The following IPCEF1 variants were observed in gnomAD, a reference collection of about 807,000 sequenced individuals.
The protein encoded by IPCEF1 is interaction protein for cytohesin exchange factors 1, also known as interactor protein for cytohesin exchange factors 1.
Under a neutral mutation model 50.9 loss-of-function variants are expected in IPCEF1, and 31 were observed. The observed-to-expected ratio is 0.61, with a 90% CI of 0.46 to 0.82. IPCEF1 has a LOEUF of 0.82. Ranked by LOEUF, IPCEF1 falls within the 40% of genes least tolerant of loss-of-function variation. The probability of loss-of-function intolerance (pLI) is 0.00; values close to 1 mark genes in which losing one functional copy is unlikely to be tolerated. For missense variants in IPCEF1, 458 were observed against 514.0 expected (o/e 0.89, Z 1.05); for synonymous variants, 181 against 192.0 (o/e 0.94, Z 0.47).
rs1782444980 is a variant in IPCEF1 at position 154,288,974 on chromosome 6, G to C, written c.-18+739C>G. 2.0e-5 allele frequency among the ~76,000 whole-genome samples: 3 copies of C among 152,074 alleles called. No individual in the cohort carries two copies. In the South Asian group the frequency reaches 6.2e-4, roughly 31 times the overall value. ...AGGTGAGAGAATCACCTGAGCCTGGGAGGTCAAGGCTGCAGTGAGCCACGA... is the reference window on the plus strand; with the variant it reads ...AGGTGAGAGAATCACCTGAGCCTGGCAGGTCAAGGCTGCAGTGAGCCACGA... On this transcript the variant is annotated intron_variant, in intron 2 of 11. Transcript: ENST00000367220.
chr6:154,258,514 G>A (rs1781515873), intron 3 of IPCEF1, among the ~76,000 whole-genome samples: 1 of 152,156 alleles, frequency 6.6e-6, no homozygotes, highest in Admixed American at 6.5e-5. Context: ...CACACACTGT[G>A]GTAACACTGC....
chr6:154,330,150 T>G (rs2128692502), intron 1 of IPCEF1: 1 of 152,148 alleles, frequency 6.6e-6, no homozygotes, highest in East Asian at 1.9e-4. Flanking sequence ...TCTTCTCGGA[T>G]AGAGCACAGC....
chr6:154,198,011 C>A (rs1458804397), intron 10 of IPCEF1, among the ~76,000 whole-genome samples: 4 of 152,150 alleles, frequency 2.6e-5, no homozygotes, highest in Non-Finnish European at 5.9e-5. Context: ...TGCTTAAATT[C>A]TCTCTTCAGT....
At chr6:154,341,929 A>G (rs1235608909) in intron 1 of IPCEF1, among the ~76,000 whole-genome samples, 1 of 152,174 alleles carries the variant, frequency 6.6e-6, no homozygotes, top group African/African-American at 2.4e-5. Flanking sequence ...ACTTGGATTG[A>G]TAACGTAAAG....
At chr6:154,265,343 C>T (rs6917143) in intron 3 of IPCEF1, among the ~76,000 whole-genome samples, 62,950 of 151,334 alleles carry the variant, frequency 0.42, 13,867 homozygotes, top group Middle Eastern at 0.54. Context: ...TGCAGTGGCG[C>T]GATCTCGGCT....
rs146164699 is a variant in IPCEF1 at position 154,247,475 on chromosome 6, C to T, written c.50G>A (p.Arg17His). The T allele has an allele frequency of 1.5e-5, 24 of 1,611,648 alleles. No homozygotes were observed. Among genetic ancestry groups the T allele is most frequent in the South Asian group, 1.1e-4 (10 of 90,890 alleles). The change falls in exon 4 of 12, where the codon CGT (arginine) becomes CAT (histidine). Residue 17 changes from arginine to histidine, a missense_variant. Coordinates refer to ENST00000367220, the MANE Select transcript of IPCEF1 (RefSeq NM_001130700.2). Reference protein sequence around the residue: ...IDGSALQVPLRQKPRRKTQGF... With the variant: ...IDGSALQVPLHQKPRRKTQGF... ...TTGAGTTTTCCTCCTGGGCTTCTGA[C>T]GCAAGGGAACCTGCTGAAAATGCAG...
At chr6:154,234,872 A>T (rs994802437) in intron 5 of IPCEF1, among the ~76,000 whole-genome samples, 3 of 152,198 alleles carry the variant, frequency 2.0e-5, no homozygotes, top group Non-Finnish European at 4.4e-5. Flanking sequence ...GGAAACCTCA[A>T]ATTTAAAAGA....
intron 11 of IPCEF1, among the ~76,000 whole-genome samples, chr6:154,160,432 G>A (rs1296796371): frequency 2.0e-5 from 3 of 152,036 alleles, no homozygotes; most frequent in African/African-American, 4.8e-5. Context: ...AAATTGGAAC[G>A]TAACACTTTA....
chr6:154,160,020 G>A lies in IPCEF1; in HGVS notation c.1125C>T (p.Ala375=), dbSNP rs1245284403. 1 of 1,611,832 alleles carries A rather than the reference G, an allele frequency of 6.2e-7. No individual in the cohort carries two copies. The highest frequency in any genetic ancestry group is 1.3e-5 in the African/African-American group (1 of 74,930). Residue 375 remains alanine, a synonymous_variant, in exon 12 of 12, where the codon GCC becomes GCT. Transcript: ENST00000367220. Reference sequence around the variant, plus strand: ...GGTCATCCAGCAACTGGTTAATCATGGCCAGATCATGTTCTTTACACTGTG... The same window carrying A: ...GGTCATCCAGCAACTGGTTAATCATAGCCAGATCATGTTCTTTACACTGTG... ...STLKCKEHDL[A]MINQLLDDPK... is the part of the protein sequence containing the mutation.
chr6:154,296,715 A>G lies in IPCEF1; in HGVS notation c.-61-6959T>C, dbSNP rs374133255. On this transcript the variant is annotated intron_variant, in intron 1 of 11. Coordinates refer to ENST00000367220, the MANE Select transcript of IPCEF1 (RefSeq NM_001130700.2). ...ATGGTGGCGGGCGCCTGTAGTCCCA[A>G]CTACTCGGGAGGCTGAGGCAGGAGA... 8.6e-4 allele frequency among the ~76,000 whole-genome samples: 131 copies of G among 151,648 alleles called. No individual in the cohort carries two copies. In the East Asian group the frequency reaches 0.019, roughly 22 times the overall value.
chr6:154,163,835 T>C lies in IPCEF1; in HGVS notation c.1105-3795A>G, dbSNP rs563442856. On this transcript the variant is annotated intron_variant, in intron 11 of 11. Coordinates refer to ENST00000367220, the MANE Select transcript of IPCEF1 (RefSeq NM_001130700.2). ...ATAGATCAATAGCTGGATAGATAGATATTAATAGATAGATAGATAGATAGA... is the reference window on the plus strand; with the variant it reads ...ATAGATCAATAGCTGGATAGATAGACATTAATAGATAGATAGATAGATAGA... Among the ~76,000 whole-genome samples the C allele has an allele frequency of 9.2e-5, 14 of 152,282 alleles. No homozygotes were observed. In the South Asian group the frequency reaches 2.9e-3, roughly 32 times the overall value.
Position 154,252,030 on chromosome 6 carries a change from T to A in IPCEF1, c.37-4542A>T, listed in dbSNP as rs536981267. Among the ~76,000 whole-genome samples the A allele has an allele frequency of 4.2e-4, 64 of 152,290 alleles. No individual in the cohort carries two copies. In the Middle Eastern group the frequency reaches 0.014, roughly 32 times the overall value. ...CTGAGTCTGATAAACATGTGAGACA[T>A]CTAAGTGGAAATACTTGGTATACAG... On this transcript the variant is annotated intron_variant, in intron 3 of 11. Coordinates refer to ENST00000367220, the MANE Select transcript of IPCEF1 (RefSeq NM_001130700.2).
chr6:154,297,337 G>T (rs1782690486), intron 1 of IPCEF1, among the ~76,000 whole-genome samples: 1 of 152,142 alleles, frequency 6.6e-6, no homozygotes. Context: ...ACCGCGCCCA[G>T]CCCAAAGTCA....
At position 154,316,902 on chromosome 6, in the gene IPCEF1, T is replaced by C. The variant is rs76865737; in HGVS notation, c.-61-27146A>G. The stretch of plus-strand genomic sequence containing the variant: ...ATTTTCTCAATTAAAATTAATTAGT[T>C]AATTGGAATAATAATAATACTGCTG... On this transcript the variant is annotated intron_variant, in intron 1 of 11. Transcript: ENST00000367220. 3.8e-3 allele frequency among the ~76,000 whole-genome samples: 572 copies of C among 152,258 alleles called. 1 individual carries two copies. The highest frequency in any genetic ancestry group is 0.013 in the African/African-American group (546 of 41,552).
rs531846200 is a variant in IPCEF1 at position 154,168,803 on chromosome 6, A to G, written c.911-690T>C. ...ATATTTTTAGTACAGACAGGGTTTCACCATGTTGCCCAGGCTGGTCTTGAA... is the reference window on the plus strand; with the variant it reads ...ATATTTTTAGTACAGACAGGGTTTCGCCATGTTGCCCAGGCTGGTCTTGAA... On this transcript the variant is annotated intron_variant, in intron 10 of 11. Coordinates refer to ENST00000367220, the MANE Select transcript of IPCEF1 (RefSeq NM_001130700.2). The surrounding 1 kb of genome is among the most constrained non-coding windows in gnomAD (Gnocchi z 4.1). Among the ~76,000 whole-genome samples the G allele has an allele frequency of 6.6e-6, 1 of 151,662 alleles. No homozygotes were observed. Among genetic ancestry groups the G allele is most frequent in the South Asian group, 2.1e-4 (1 of 4,802 alleles).
At chr6:154,272,227 A>T (rs9322458) in intron 2 of IPCEF1, among the ~76,000 whole-genome samples, 25,014 of 152,270 alleles carry the variant, frequency 0.16, 2,882 homozygotes, top group East Asian at 0.65. Context: ...GGTAGCAATT[A>T]CCTAGAATGG....
chr6:154,193,723 A>G (rs957901103), intron 10 of IPCEF1, among the ~76,000 whole-genome samples: 1 of 152,206 alleles, frequency 6.6e-6, no homozygotes, highest in African/African-American at 2.4e-5. Flanking sequence ...CAAAACAAAC[A>G]CTTCGGCCTT....
chr6:154,320,142 TA>T (rs1186676577), intron 1 of IPCEF1, among the ~76,000 whole-genome samples: 2 of 151,866 alleles, frequency 1.3e-5, no homozygotes, highest in African/African-American at 2.4e-5. Context: ...ATCTAAGTAA[TA>T]AAAAAAGTGA....
chr6:154,159,958 A>T lies in IPCEF1; in HGVS notation c.1187T>A (p.Val396Asp). ...LTARKYREWK[V>D]MNTLLIQDIY... ...GTCCTGGATCAGCAGGGTGTTCATG[A>T]CTTTCCACTCTCTGTATTTCCTGGC... Residue 396 changes from valine to aspartate, a missense_variant, in exon 12 of 12, where the codon GTC (valine) becomes GAC (aspartate). Coordinates refer to ENST00000367220, the MANE Select transcript of IPCEF1 (RefSeq NM_001130700.2). 6.2e-7 allele frequency: 1 copy of T among 1,613,348 alleles called. No individual in the cohort carries two copies. Among genetic ancestry groups the T allele is most frequent in the Non-Finnish European group, 8.5e-7 (1 of 1,179,982 alleles).
Sources: gnomAD v4.1 joint callset for allele counts (sites outside exome capture counted in the v4.1 genomes callset) on GRCh38, gnomAD v4.1.1 for gene constraint, Gnocchi (gnomAD v3.1) non-coding constraint, MANE v1.5 for transcripts, NCBI Gene and HGNC (gene_info 2026-07-23, HGNC 2026-07-21) for gene names.